The following TMEM132D variants were observed in gnomAD, a reference collection of about 807,000 sequenced individuals.
TMEM132D encodes the protein transmembrane protein 132D.
A neutral mutation model predicts 62.3 loss-of-function variants in TMEM132D; 21 were observed. The observed-to-expected ratio is 0.34, with a 90% confidence interval of 0.24 to 0.49. The LOEUF (loss-of-function observed/expected upper bound fraction) is 0.49. Among genes scored for constraint, TMEM132D ranks in the 20% least tolerant of loss-of-function variants. The pLI is 0.99. For missense variants in TMEM132D, 1,346 were observed against 1,402.8 expected (o/e 0.96, Z 0.65); for synonymous variants, 621 against 575.6 (o/e 1.08, Z -1.13).
In TMEM132D at chr12:129,399,878, T is replaced by C. The variant is rs1006081283; in HGVS notation, c.1116-62061A>G. ...AGCAGTTTGGAAAGAGTTGTGTGTGTGCGTGTGTGTGTGTGTGGGGGGGTA... is the reference window on the plus strand; with the variant it reads ...AGCAGTTTGGAAAGAGTTGTGTGTGCGCGTGTGTGTGTGTGTGGGGGGGTA... On this transcript the variant is annotated intron_variant, in intron 3 of 8. Coordinates refer to ENST00000422113, the MANE Select transcript of TMEM132D (RefSeq NM_133448.3). Among the ~76,000 whole-genome samples the C allele has an allele frequency of 4.0e-5, 6 of 151,468 alleles. No homozygotes were observed. In the South Asian group the frequency reaches 1.0e-3, roughly 26 times the overall value.
chr12:129,450,949 A>G lies in TMEM132D; in HGVS notation c.1115+80110T>C, dbSNP rs1321730219. Among the ~76,000 whole-genome samples the G allele has an allele frequency of 6.6e-5, 10 of 151,740 alleles. No individual in the cohort carries two copies. In the East Asian group the frequency reaches 1.9e-3, roughly 29 times the overall value. The stretch of plus-strand genomic sequence containing the variant: ...TGGCTAATTTTTGTAATTTTAGTAA[A>G]GACAGGGTTTCACCATCTTGGCCAG... On this transcript the variant is annotated intron_variant, in intron 3 of 8. Coordinates refer to ENST00000422113, the MANE Select transcript of TMEM132D (RefSeq NM_133448.3).
chr12:129,457,768 C>T (rs1368551392), intron 3 of TMEM132D, among the ~76,000 whole-genome samples: 2 of 152,064 alleles, frequency 1.3e-5, no homozygotes, highest in Non-Finnish European at 2.9e-5. Flanking sequence ...GTGCCACACA[C>T]TTGCAAACAA....
intron 4 of TMEM132D, among the ~76,000 whole-genome samples, chr12:129,280,843 C>T (rs1226976727): frequency 2.0e-5 from 3 of 151,792 alleles, no homozygotes; most frequent in Admixed American, 2.0e-4. Context: ...TACACACAAA[C>T]ATATATCCTA....
chr12:129,850,659 T>C (rs1593185968), intron 1 of TMEM132D, among the ~76,000 whole-genome samples: 1 of 152,180 alleles, frequency 6.6e-6, no homozygotes, highest in Admixed American at 6.5e-5. Context: ...TTTTCTACAA[T>C]ACTTCCCAGA....
At chr12:129,457,219 A>G (rs952275479) in intron 3 of TMEM132D, among the ~76,000 whole-genome samples, 2 of 152,222 alleles carry the variant, frequency 1.3e-5, no homozygotes, top group Non-Finnish European at 2.9e-5. Context: ...GACTAGATTA[A>G]GAAAATGTGG....
intron 3 of TMEM132D, among the ~76,000 whole-genome samples, chr12:129,449,340 G>A (rs1873199008): frequency 6.6e-6 from 1 of 152,168 alleles, no homozygotes; most frequent in Non-Finnish European, 1.5e-5. Context: ...GTCCTGCCTG[G>A]TGTTAAGGAA....
intron 3 of TMEM132D, among the ~76,000 whole-genome samples, chr12:129,347,324 G>A (rs1869718295): frequency 6.6e-6 from 1 of 152,174 alleles, no homozygotes; most frequent in Non-Finnish European, 1.5e-5. Flanking sequence ...CAAGGCTACA[G>A]TAACCAAAAC....
chr12:129,217,710 GC>G (rs1248780196), intron 4 of TMEM132D, among the ~76,000 whole-genome samples: 1 of 132,634 alleles, frequency 7.5e-6, no homozygotes. Context: ...TTGAAGACTT[GC>G]AAAAAGGTAG....
At chr12:129,362,583 C>A (rs141780152) in intron 3 of TMEM132D, among the ~76,000 whole-genome samples, 2 of 150,470 alleles carry the variant, frequency 1.3e-5, no homozygotes, top group Admixed American at 1.3e-4. Flanking sequence ...TTATATATTT[C>A]TTTTTTGTTG....
intron 3 of TMEM132D, among the ~76,000 whole-genome samples, chr12:129,348,840 G>A (rs1314269920): frequency 6.6e-6 from 1 of 152,132 alleles, no homozygotes; most frequent in Non-Finnish European, 1.5e-5. Flanking sequence ...TGAGTGACGG[G>A]GCCCGAGACC....
At chr12:129,619,583 A>T (rs1426268407) in intron 2 of TMEM132D, among the ~76,000 whole-genome samples, 3 of 152,168 alleles carry the variant, frequency 2.0e-5, no homozygotes, top group Non-Finnish European at 4.4e-5. Flanking sequence ...TTGATTTTTT[A>T]ACTTCCGCCA....
chr12:129,545,481 A>C (rs1876707460), intron 2 of TMEM132D, among the ~76,000 whole-genome samples: 2 of 152,122 alleles, frequency 1.3e-5, no homozygotes, highest in South Asian at 4.2e-4. Flanking sequence ...AGTTAACATG[A>C]GATCTATGCC....
chr12:129,321,135 G>T (rs1197893119), intron 4 of TMEM132D, among the ~76,000 whole-genome samples: 1 of 152,040 alleles, frequency 6.6e-6, no homozygotes, highest in Non-Finnish European at 1.5e-5. Flanking sequence ...TCCCTAAGAG[G>T]TAATGCATTA....
At chr12:129,715,741 T>G (rs1338609734) in intron 1 of TMEM132D, among the ~76,000 whole-genome samples, 1 of 152,244 alleles carries the variant, frequency 6.6e-6, no homozygotes, top group Non-Finnish European at 1.5e-5. Flanking sequence ...TATGCTTATT[T>G]ACATCTATAT....
intron 4 of TMEM132D, among the ~76,000 whole-genome samples, chr12:129,279,207 A>G (rs1881078701): frequency 6.6e-6 from 1 of 152,232 alleles, no homozygotes; most frequent in South Asian, 2.1e-4. Context: ...GGAAAAGTTG[A>G]TATCACCTAA....
chr12:129,854,152 G>C (rs1873638015), intron 1 of TMEM132D, among the ~76,000 whole-genome samples: 1 of 152,152 alleles, frequency 6.6e-6, no homozygotes, highest in Non-Finnish European at 1.5e-5. Context: ...GCTTAACGTG[G>C]GGAATAAAGT....
intron 5 of TMEM132D, among the ~76,000 whole-genome samples, chr12:129,145,219 T>C (rs1876858796): frequency 6.6e-6 from 1 of 152,296 alleles, no homozygotes; most frequent in Non-Finnish European, 1.5e-5. Flanking sequence ...TTTCATTTCA[T>C]TGTGTTCTCT....
chr12:129,335,307 G>GT lies in TMEM132D; in HGVS notation c.1299+2326dup, dbSNP rs370318784. 5.6e-3 allele frequency among the ~76,000 whole-genome samples: 828 copies of GT among 146,730 alleles called. 4 individuals carry two copies. Among genetic ancestry groups the GT allele is most frequent in the Non-Finnish European group, 7.4e-3 (490 of 66,172 alleles). ...CCATCACACCTGGCTAAGTTTTGTA[G>GT]TTTTTTTTTTAGTAGAGATGGGGTT... On this transcript the variant is annotated intron_variant, in intron 4 of 8. Transcript: ENST00000422113.
chr12:129,711,182 CCT>C (rs1259010241), intron 1 of TMEM132D, among the ~76,000 whole-genome samples: 1 of 152,218 alleles, frequency 6.6e-6, no homozygotes, highest in Non-Finnish European at 1.5e-5. Context: ...CCCCCTAAAA[CCT>C]CTCTTCTCAC....
Sources: gnomAD v4.1 joint callset for allele counts (sites outside exome capture counted in the v4.1 genomes callset) on GRCh38, gnomAD v4.1.1 for gene constraint, MANE v1.5 for transcripts, NCBI Gene and HGNC (gene_info 2026-07-23, HGNC 2026-07-21) for gene names.